Variants in TUSC3 observed in about 807,000 individuals in gnomAD.
TUSC3 encodes dolichyl-diphosphooligosaccharide--protein glycosyltransferase subunit TUSC3.
TUSC3 carries 45 observed loss-of-function variants against 44.8 expected under a neutral mutation model. The observed-to-expected ratio is 1.00, with a 90% confidence interval of 0.79 to 1.29. The LOEUF (loss-of-function observed/expected upper bound fraction) is 1.29, where lower values mean the gene tolerates loss of function less well. Among genes scored for constraint, TUSC3 ranks in the 50% most tolerant of loss-of-function variants. The probability of loss-of-function intolerance (pLI) is 0.00; values close to 1 mark genes in which losing one functional copy is unlikely to be tolerated. For synonymous variants in TUSC3, 212 were observed against 152.9 expected, an observed-to-expected ratio of 1.39 and a Z score of -2.85; for missense variants, 519 against 437.9, an observed-to-expected ratio of 1.19 and a Z score of -1.65.
chr8:15,555,388 C>G (rs903555823), intron 1 of TUSC3, among the ~76,000 whole-genome samples: 4 of 143,908 alleles, frequency 2.8e-5, no homozygotes, highest in African/African-American at 1.0e-4. Flanking sequence ...CCTTGACCTC[C>G]TGGGCTCAAG....
chr8:15,819,056 C>G, the TUSC3 span, among the ~76,000 whole-genome samples: 1 of 149,724 alleles, frequency 6.7e-6, no homozygotes, highest in Non-Finnish European at 1.5e-5. Context: ...AGACCCCTGT[C>G]TCTACAAGAA....
At chr8:15,826,365 C>T in the TUSC3 span, among the ~76,000 whole-genome samples, 4 of 152,166 alleles carry the variant, frequency 2.6e-5, no homozygotes, top group Non-Finnish European at 5.9e-5. Context: ...GATTAATTAG[C>T]ACCCTCTATG....
chr8:15,748,689 C>A (rs1233585897), intron 9 of TUSC3: 3 of 676,702 alleles, frequency 4.4e-6, no homozygotes, highest in Non-Finnish European at 8.3e-6. Context: ...TCTTTCTAGA[C>A]ATACATATTT....
At chr8:15,797,921 C>T in the TUSC3 span, among the ~76,000 whole-genome samples, 2 of 151,952 alleles carry the variant, frequency 1.3e-5, no homozygotes, top group Admixed American at 6.6e-5. Context: ...TTTTTTCCAC[C>T]GACTATATAA....
the TUSC3 span, among the ~76,000 whole-genome samples, chr8:15,840,766 T>C: frequency 6.6e-6 from 1 of 152,166 alleles, no homozygotes; most frequent in Admixed American, 6.5e-5. Flanking sequence ...AAAGAAACAA[T>C]AATGGCTGTC....
At chr8:15,435,242 A>G (rs1799931082) in intron 1 of TUSC3, among the ~76,000 whole-genome samples, 1 of 151,870 alleles carries the variant, frequency 6.6e-6, no homozygotes, top group Non-Finnish European at 1.5e-5. Context: ...CTGGTGTGAG[A>G]TGGTATCTCA....
At chr8:15,637,273 A>C (rs911243162) in intron 2 of TUSC3, among the ~76,000 whole-genome samples, 3 of 152,036 alleles carry the variant, frequency 2.0e-5, no homozygotes, top group East Asian at 3.9e-4. Context: ...CCTGCTTTTA[A>C]TCCTATTCTT....
rs374178334 is a variant in TUSC3 at position 15,669,815 on chromosome 8, C to G, written c.709-3932C>G. 1.7e-4 allele frequency among the ~76,000 whole-genome samples: 26 copies of G among 151,512 alleles called. No homozygotes were observed. In the East Asian group the frequency reaches 3.9e-3, roughly 23 times the overall value. On this transcript the variant is annotated intron_variant, in intron 5 of 10. Transcript: ENST00000503731. ...CTGCTCTTGAGTATTTTACTGGGAC[C>G]CTGAGCATTGCATTAAGACCAAAAC... is the stretch of plus-strand genomic sequence containing the variant.
chr8:15,688,430 C>CTTTTTT (rs11383982), intron 6 of TUSC3, among the ~76,000 whole-genome samples: 1 of 141,302 alleles, frequency 7.1e-6, no homozygotes, highest in Non-Finnish European at 1.5e-5. Context: ...CTTCAGTATT[C>CTTTTTT]TTTTTTTTTT....
chr8:15,587,832 C>G (rs1210598694), intron 1 of TUSC3, among the ~76,000 whole-genome samples: 1 of 151,958 alleles, frequency 6.6e-6, no homozygotes, highest in East Asian at 1.9e-4. Flanking sequence ...TCTTTCTGTG[C>G]TTGAGTTTTT....
the TUSC3 span, among the ~76,000 whole-genome samples, chr8:15,780,877 T>TA: frequency 6.6e-6 from 1 of 152,106 alleles, no homozygotes; most frequent in Non-Finnish European, 1.5e-5. Context: ...AGTGAAAAGA[T>TA]AGAGGGTATG....
At chr8:15,704,328 A>G (rs540765876) in intron 6 of TUSC3, among the ~76,000 whole-genome samples, 38 of 148,260 alleles carry the variant, frequency 2.6e-4, no homozygotes, top group Non-Finnish European at 3.1e-4. Flanking sequence ...AGAGAGTGGT[A>G]GATATGATTA....
chr8:15,438,702 T>TAAC (rs1432051288), intron 1 of TUSC3, among the ~76,000 whole-genome samples: 3 of 152,198 alleles, frequency 2.0e-5, no homozygotes, highest in Admixed American at 2.0e-4. Flanking sequence ...TTCTGTAGAA[T>TAAC]AACAGTCCTT....
intron 1 of TUSC3, among the ~76,000 whole-genome samples, chr8:15,451,416 G>T (rs7836326): frequency 0.67 from 102,432 of 151,832 alleles, 34,833 homozygotes; most frequent in East Asian, 0.86. Context: ...GGGCTGAAGG[G>T]CGAGTTGATC....
the TUSC3 span, among the ~76,000 whole-genome samples, chr8:15,849,699 C>A: frequency 6.6e-6 from 1 of 152,064 alleles, no homozygotes; most frequent in Non-Finnish European, 1.5e-5. Context: ...CTGTGATGAA[C>A]CTGGGCTTTG....
the TUSC3 span, among the ~76,000 whole-genome samples, chr8:15,800,015 C>G: frequency 6.6e-6 from 1 of 152,028 alleles, no homozygotes; most frequent in Non-Finnish European, 1.5e-5. Flanking sequence ...CTTTGGGAAC[C>G]CCAATTGTTT....
At chr8:15,448,678 G>A (rs73191176) in intron 1 of TUSC3, among the ~76,000 whole-genome samples, 2,829 of 152,210 alleles carry the variant, frequency 0.019, 45 homozygotes, top group South Asian at 0.046. Context: ...TGTCTAACAC[G>A]TAAATTATTA....
intron 6 of TUSC3, among the ~76,000 whole-genome samples, chr8:15,696,353 G>A (rs930625663): frequency 6.6e-6 from 1 of 152,190 alleles, no homozygotes; most frequent in African/African-American, 2.4e-5. Context: ...GTACACAGCA[G>A]TCAAGAATTG....
intron 2 of TUSC3, among the ~76,000 whole-genome samples, chr8:15,624,128 G>T (rs928132432): frequency 6.6e-6 from 1 of 152,044 alleles, no homozygotes; most frequent in Non-Finnish European, 1.5e-5. Context: ...AAAAAAATAC[G>T]TCCAAGTTGT....
Sources: gnomAD v4.1 joint callset for allele counts (sites outside exome capture counted in the v4.1 genomes callset) on GRCh38, gnomAD v4.1.1 for gene constraint, MANE v1.5 for transcripts, NCBI Gene and HGNC (gene_info 2026-07-23, HGNC 2026-07-21) for gene names.